The following KCNQ5 variants were observed in gnomAD, a reference collection of about 807,000 sequenced individuals.
KCNQ5 encodes potassium voltage-gated channel subfamily KQT member 5.
In KCNQ5, 30 loss-of-function variants were observed where a neutral mutation model predicts 98.2. That is an observed-to-expected ratio of 0.31 (90% CI 0.23 to 0.41). The LOEUF (loss-of-function observed/expected upper bound fraction) is 0.41. KCNQ5 is among the 10% of genes least tolerant of loss of function. The probability of loss-of-function intolerance (pLI) is 1.00; values close to 1 mark genes in which losing one functional copy is unlikely to be tolerated. For missense variants in KCNQ5, 835 were observed against 1,182.5 expected (o/e 0.71, Z 4.31); for synonymous variants, 458 against 449.4 (o/e 1.02, Z -0.24).
chr6:72,967,111 A>G (rs960376312), intron 1 of KCNQ5, among the ~76,000 whole-genome samples: 14 of 152,226 alleles, frequency 9.2e-5, no homozygotes, highest in African/African-American at 3.4e-4. Context: ...CCATGGTTAT[A>G]AAGTTTTCCA....
chr6:72,658,578 A>ATATATATATATATATATATATT (rs1226386362), intron 1 of KCNQ5, among the ~76,000 whole-genome samples: 1 of 76,380 alleles, frequency 1.3e-5, no homozygotes, highest in Non-Finnish European at 2.8e-5. Context: ...ATATATATAT[A>ATATATATATATATATATATATT]TTTTTTTTTT....
intron 2 of KCNQ5, among the ~76,000 whole-genome samples, chr6:73,036,379 C>CT (rs1421567223): frequency 1.1e-5 from 1 of 94,358 alleles, no homozygotes; most frequent in Non-Finnish European, 2.2e-5. Context: ...GCGCGAGACT[C>CT]TGTCTCAAAA....
chr6:72,729,133 G>A (rs1770428119), intron 1 of KCNQ5, among the ~76,000 whole-genome samples: 1 of 151,962 alleles, frequency 6.6e-6, no homozygotes, highest in African/African-American at 2.4e-5. Flanking sequence ...CCATTTAATG[G>A]ACATACCATT....
chr6:73,100,093 C>T (rs970566374), intron 5 of KCNQ5, among the ~76,000 whole-genome samples: 5 of 152,156 alleles, frequency 3.3e-5, no homozygotes, highest in African/African-American at 1.2e-4. Context: ...CCTGAATGAC[C>T]AATGGGTCAA....
chr6:72,913,039 G>A (rs562966791), intron 1 of KCNQ5, among the ~76,000 whole-genome samples: 6 of 152,188 alleles, frequency 3.9e-5, no homozygotes, highest in South Asian at 4.2e-4. Context: ...ACCTGCACAT[G>A]TACCCCTGAA....
intron 1 of KCNQ5, among the ~76,000 whole-genome samples, chr6:72,928,790 A>C (rs1374163661): frequency 6.6e-6 from 1 of 152,138 alleles, no homozygotes; most frequent in East Asian, 1.9e-4. Flanking sequence ...AGACATTAGA[A>C]TAAATGCTAA....
chr6:72,688,682 CA>C, intron 1 of KCNQ5, among the ~76,000 whole-genome samples: 1 of 152,016 alleles, frequency 6.6e-6, no homozygotes, highest in East Asian at 1.9e-4. Flanking sequence ...TAAAAAAATA[CA>C]AAAGGTTTCA....
chr6:72,666,912 T>A (rs1766846853), intron 1 of KCNQ5, among the ~76,000 whole-genome samples: 1 of 152,220 alleles, frequency 6.6e-6, no homozygotes, highest in African/African-American at 2.4e-5. Context: ...CTTTTACAAT[T>A]ACATGTTCCA....
intron 1 of KCNQ5, among the ~76,000 whole-genome samples, chr6:72,946,339 A>C (rs541130239): frequency 4.2e-4 from 64 of 152,340 alleles, no homozygotes; most frequent in Admixed American, 9.2e-4. Context: ...TGTAATTGAC[A>C]TAGATGAGAT....
chr6:72,794,648 C>G (rs1774232708), intron 1 of KCNQ5, among the ~76,000 whole-genome samples: 1 of 152,094 alleles, frequency 6.6e-6, no homozygotes, highest in African/African-American at 2.4e-5. Context: ...AGATTGCTTT[C>G]TTTTAAAAAT....
At chr6:72,733,217 C>T (rs1479800739) in intron 1 of KCNQ5, among the ~76,000 whole-genome samples, 1 of 151,974 alleles carries the variant, frequency 6.6e-6, no homozygotes, top group Non-Finnish European at 1.5e-5. Flanking sequence ...AATAATACAA[C>T]ATTTAGGAAC....
At chr6:73,192,724 C>T (rs1765638022) in intron 13 of KCNQ5, 33 bp downstream of exon 13, 2 of 1,495,402 alleles carry the variant, frequency 1.3e-6, no homozygotes, top group Non-Finnish European at 1.8e-6. Flanking sequence ...ATCTTTTTAG[C>T]CAGAATTTTT....
At chr6:73,169,715 G>T in intron 10 of KCNQ5, 31 bp from the exon 11 acceptor site, 2 of 1,433,962 alleles carry the variant, frequency 1.4e-6, no homozygotes, top group Non-Finnish European at 2.0e-6. Flanking sequence ...GCGGATGGTG[G>T]TGTTATTTAA....
intron 3 of KCNQ5, among the ~76,000 whole-genome samples, chr6:73,056,163 G>A (rs933155442): frequency 6.6e-6 from 1 of 152,186 alleles, no homozygotes; most frequent in African/African-American, 2.4e-5. Context: ...TTGTGAGGAG[G>A]AGCCATGCTG....
intron 1 of KCNQ5, among the ~76,000 whole-genome samples, chr6:72,791,914 C>T (rs1398222877): frequency 1.3e-5 from 2 of 152,132 alleles, no homozygotes; most frequent in Non-Finnish European, 2.9e-5. Flanking sequence ...TAATCAACTC[C>T]TAAGGTGCTG....
chr6:73,152,475 G>A (rs1328036001), intron 10 of KCNQ5, among the ~76,000 whole-genome samples: 8 of 151,700 alleles, frequency 5.3e-5, no homozygotes, highest in Non-Finnish European at 1.2e-4. Context: ...TTTGACTAAG[G>A]GTTCTTTTAT....
At chr6:72,884,309 T>C (rs1778768343) in intron 1 of KCNQ5, among the ~76,000 whole-genome samples, 1 of 152,104 alleles carries the variant, frequency 6.6e-6, no homozygotes, top group South Asian at 2.1e-4. Flanking sequence ...TTGGTTTTTA[T>C]AGACTCTTGA....
At chr6:72,842,158 A>T (rs1032893900) in intron 1 of KCNQ5, among the ~76,000 whole-genome samples, 10 of 152,214 alleles carry the variant, frequency 6.6e-5, no homozygotes, top group African/African-American at 2.4e-4. Context: ...GTCAACTCTA[A>T]TGAAAACATT....
chr6:72,887,949 C>T (rs1299551151), intron 1 of KCNQ5, among the ~76,000 whole-genome samples: 2 of 151,902 alleles, frequency 1.3e-5, no homozygotes, highest in Non-Finnish European at 2.9e-5. Context: ...TTTTAACTAA[C>T]AATATTATGT....
Sources: gnomAD v4.1 joint callset for allele counts (sites outside exome capture counted in the v4.1 genomes callset) on GRCh38, gnomAD v4.1.1 for gene constraint, MANE v1.5 for transcripts, NCBI Gene and HGNC (gene_info 2026-07-23, HGNC 2026-07-21) for gene names.